Variants in ROBO2 observed in about 807,000 individuals in gnomAD.
ROBO2 encodes the protein roundabout guidance receptor 2.
In ROBO2, 53 loss-of-function variants were observed where a neutral mutation model predicts 160.8. That is an observed-to-expected ratio of 0.33 (90% CI 0.26 to 0.41). ROBO2 has a LOEUF of 0.41. ROBO2 is among the 10% of genes least tolerant of loss of function. The pLI, the probability that ROBO2 is intolerant of heterozygous loss-of-function variation, is 1.00. For missense variants in ROBO2, 1,577 were observed against 1,722.4 expected, an observed-to-expected ratio of 0.92 and a Z score of 1.49; for synonymous variants, 664 against 611.7, an observed-to-expected ratio of 1.09 and a Z score of -1.26.
In ROBO2 at chr3:77,234,504, A is replaced by G. The variant is rs569800203; in HGVS notation, c.388+136164A>G. 2.8e-4 allele frequency among the ~76,000 whole-genome samples: 42 copies of G among 152,290 alleles called. 1 individual carries two copies. In the South Asian group the frequency reaches 8.5e-3, roughly 31 times the overall value. On this transcript the variant is annotated intron_variant, in intron 2 of 25. Coordinates refer to ENST00000461745, the Ensembl canonical transcript of ROBO2. ...ATACAATTAGGTGAATCGCACAGAC[A>G]ATCTGCTTTTTTTTCAGCAATCCTT... is the stretch of plus-strand genomic sequence containing the variant.
At chr3:77,313,836 G>A (rs1257781440) in intron 2 of ROBO2, among the ~76,000 whole-genome samples, 1 of 152,020 alleles carries the variant, frequency 6.6e-6, no homozygotes, top group African/African-American at 2.4e-5. Flanking sequence ...TGCCTACCTC[G>A]GCCTCCCAAA....
intron 2 of ROBO2, among the ~76,000 whole-genome samples, chr3:77,189,162 A>G (rs2081577368): frequency 1.3e-5 from 2 of 151,802 alleles, no homozygotes; most frequent in African/African-American, 4.8e-5. Context: ...CCCCGATGAA[A>G]TTTCTGAGAA....
intron 2 of ROBO2, among the ~76,000 whole-genome samples, chr3:77,214,021 G>C (rs904098270): frequency 6.6e-6 from 1 of 152,098 alleles, no homozygotes; most frequent in Admixed American, 6.6e-5. Context: ...TTTTGGAATA[G>C]GTGTGGTGTG....
intron 2 of ROBO2, among the ~76,000 whole-genome samples, chr3:76,389,257 G>A (rs924933363): frequency 6.6e-6 from 1 of 152,160 alleles, no homozygotes; most frequent in Non-Finnish European, 1.5e-5. Flanking sequence ...ATCTCCTCAA[G>A]AGCTCCCTTC....
At chr3:76,707,824 A>G (rs763148595) in intron 2 of ROBO2, among the ~76,000 whole-genome samples, 5 of 151,032 alleles carry the variant, frequency 3.3e-5, no homozygotes, top group Admixed American at 6.6e-5. Flanking sequence ...CCCTCCTCCA[A>G]TCTGAGTCAG....
At chr3:76,272,545 C>G (rs949419916) in intron 2 of ROBO2, among the ~76,000 whole-genome samples, 1 of 150,044 alleles carries the variant, frequency 6.7e-6, no homozygotes, top group African/African-American at 2.5e-5. Context: ...TGCCTGTAAT[C>G]CCAGCTACTT....
At chr3:76,856,899 C>T (rs1210472949) in intron 2 of ROBO2, among the ~76,000 whole-genome samples, 2 of 152,178 alleles carry the variant, frequency 1.3e-5, no homozygotes, top group Non-Finnish European at 2.9e-5. Context: ...TCCAACACAG[C>T]AAGTGCTTTC....
chr3:76,185,195 G>GATATATATATATATATATATAT (rs1219580267), intron 2 of ROBO2, among the ~76,000 whole-genome samples: 1,351 of 44,190 alleles, frequency 0.031, 149 homozygotes, highest in East Asian at 0.047. Context: ...AGTAAACACA[G>GATATATATATATATATATATAT]ATATATATAT....
At chr3:77,102,692 C>G (rs1226072478) in intron 2 of ROBO2, among the ~76,000 whole-genome samples, 1 of 151,826 alleles carries the variant, frequency 6.6e-6, no homozygotes, top group Non-Finnish European at 1.5e-5. Context: ...TGGAAGTCAG[C>G]CAGTTCTTTA....
chr3:76,269,347 C>T lies in ROBO2; in HGVS notation c.109+331745C>T, dbSNP rs149346767. On this transcript the variant is annotated intron_variant, in intron 2 of 26. Transcript: ENST00000487694. ...AAATAAATAAACACATGAAGCTTTA[C>T]AATGTTGACCTCTCTCTTCTTGAAG... Among the ~76,000 whole-genome samples the T allele has an allele frequency of 4.8e-4, 73 of 152,134 alleles. 1 individual carries two copies. In the East Asian group the frequency reaches 0.013, roughly 27 times the overall value.
chr3:77,296,135 A>C (rs1246401946), intron 2 of ROBO2, among the ~76,000 whole-genome samples: 1 of 151,592 alleles, frequency 6.6e-6, no homozygotes, highest in African/African-American at 2.4e-5. Flanking sequence ...ATCACCCCAG[A>C]TGTAAAGTAA....
At chr3:77,286,534 G>A (rs2060614002) in intron 2 of ROBO2, among the ~76,000 whole-genome samples, 1 of 152,048 alleles carries the variant, frequency 6.6e-6, no homozygotes, top group African/African-American at 2.4e-5. Context: ...GGGATTACAG[G>A]CGTGAGTCAC....
At chr3:77,626,398 A>G (rs1057405873) in intron 23 of ROBO2, among the ~76,000 whole-genome samples, 1 of 152,182 alleles carries the variant, frequency 6.6e-6, no homozygotes, top group Non-Finnish European at 1.5e-5. Flanking sequence ...AATAATTTTC[A>G]TTGTAATCTA....
chr3:76,831,023 C>T (rs2067046101), intron 2 of ROBO2, among the ~76,000 whole-genome samples: 1 of 151,964 alleles, frequency 6.6e-6, no homozygotes, highest in South Asian at 2.1e-4. Flanking sequence ...AATAACAAAT[C>T]ACCTTGACAC....
Position 77,228,769 on chromosome 3 carries a change from A to G in ROBO2, c.388+130429A>G, listed in dbSNP as rs144656773. Among the ~76,000 whole-genome samples the G allele has an allele frequency of 1.4e-3, 212 of 152,320 alleles. 1 individual carries two copies. Among genetic ancestry groups the G allele is most frequent in the Admixed American group, 2.5e-3 (39 of 15,304 alleles). On this transcript the variant is annotated intron_variant, in intron 2 of 25. Transcript: ENST00000461745. Reference sequence around the variant, plus strand: ...AAAAAACTTGCAAGATTAAAAAGAAAATCTTAACAAAATCCAAAAACACTA... The same window carrying G: ...AAAAAACTTGCAAGATTAAAAAGAAGATCTTAACAAAATCCAAAAACACTA...
At chr3:76,082,145 G>T (rs2108033601) in intron 2 of ROBO2, among the ~76,000 whole-genome samples, 1 of 152,248 alleles carries the variant, frequency 6.6e-6, no homozygotes, top group South Asian at 2.1e-4. Flanking sequence ...GTAGACTGAT[G>T]TAAAAGGTAA....
chr3:77,293,758 C>T (rs1350847362), intron 2 of ROBO2, among the ~76,000 whole-genome samples: 13 of 140,084 alleles, frequency 9.3e-5, no homozygotes, highest in African/African-American at 3.8e-4. Context: ...GCTAGATCAC[C>T]CCAGACATAA....
At chr3:76,699,274 T>G (rs2608127) in intron 2 of ROBO2, among the ~76,000 whole-genome samples, 1 of 151,980 alleles carries the variant, frequency 6.6e-6, no homozygotes. Context: ...CCAGGTCTGT[T>G]GAATAAACAA....
intron 2 of ROBO2, among the ~76,000 whole-genome samples, chr3:76,427,856 A>G (rs2076282564): frequency 6.6e-6 from 1 of 152,122 alleles, no homozygotes; most frequent in Admixed American, 6.6e-5. Context: ...ATCTTAGCAC[A>G]AATATCTTAA....
Sources: allele counts gnomAD v4.1 joint callset (sites outside exome capture counted in the v4.1 genomes callset), GRCh38; gene constraint gnomAD v4.1.1; transcripts MANE v1.5; gene names NCBI Gene and HGNC (gene_info 2026-07-23, HGNC 2026-07-21).